Variants in FADS6 observed in about 807,000 individuals in gnomAD.
FADS6 encodes the protein fatty acid desaturase domain family, member 6.
Under a neutral mutation model 31.7 loss-of-function variants are expected in FADS6, and 28 were observed. The observed-to-expected ratio is 0.88, with a 90% CI of 0.66 to 1.21. The LOEUF (loss-of-function observed/expected upper bound fraction) is 1.21, where lower values mean the gene tolerates loss of function less well. Among genes scored for constraint, FADS6 ranks in the 50% most tolerant of loss-of-function variants. FADS6 has a pLI of 0.00. For synonymous variants in FADS6, 191 were observed against 213.1 expected, an observed-to-expected ratio of 0.90 and a Z score of 0.90; for missense variants, 494 against 504.2, an observed-to-expected ratio of 0.98 and a Z score of 0.19.
intron 5 of FADS6, chr17:74,879,118 A>T: frequency 3.1e-6 from 1 of 325,170 alleles, no homozygotes; most frequent in Non-Finnish European, 5.6e-6. Flanking sequence ...GGTTCATTGC[A>T]GCCTCAACCT....
chr17:74,887,921 C>G (rs1050917195), intron 2 of FADS6, among the ~76,000 whole-genome samples: 5 of 152,042 alleles, frequency 3.3e-5, no homozygotes, highest in Non-Finnish European at 5.9e-5. Context: ...CTCCTGACCT[C>G]GTGATCCACC....
At position 74,879,581 on chromosome 17, in the gene FADS6, G is replaced by A; in HGVS notation, c.783C>T (p.His261=). The A allele has an allele frequency of 1.9e-6, 3 of 1,610,812 alleles. No individual in the cohort carries two copies. The highest frequency in any genetic ancestry group is 2.5e-6 in the Non-Finnish European group (3 of 1,178,686). The change falls in exon 5 of 6, where the codon CAC becomes CAT. Residue 261 remains histidine, a splice_region_variant and synonymous_variant. Transcript: ENST00000612771. ...CCCGGGAGAACATGGGCAGTCCGAT[G>A]TGCTGTGACAGACACGTGGGTCACG... The part of the protein sequence containing the change: ...HPYLHVNIFQ[H]IGLPMFSRDN...
intron 2 of FADS6, among the ~76,000 whole-genome samples, chr17:74,884,828 C>G (rs796983355): frequency 5.3e-5 from 8 of 152,242 alleles, no homozygotes; most frequent in African/African-American, 1.9e-4. Flanking sequence ...CTGCCTCAGC[C>G]TCCTGAGTAG....
downstream of FADS6, among the ~76,000 whole-genome samples, chr17:74,876,330 A>C (rs979585011): frequency 1.7e-4 from 26 of 152,266 alleles, no homozygotes; most frequent in East Asian, 5.0e-3. Flanking sequence ...AGGCAATTAC[A>C]CGCTCAGAGA....
At chr17:74,879,710 A>T (rs2038547983) in intron 4 of FADS6, 127 bp from the exon 5 acceptor site, 1 of 985,680 alleles carries the variant, frequency 1.0e-6, no homozygotes, top group Non-Finnish European at 1.5e-6. Context: ...GACCTGGTAG[A>T]GGGGCTCCTG....
intron 2 of FADS6, among the ~76,000 whole-genome samples, chr17:74,889,505 C>T (rs949880606): frequency 6.6e-6 from 1 of 151,634 alleles, no homozygotes; most frequent in Non-Finnish European, 1.5e-5. Context: ...AACATATACA[C>T]AGCCCTGTTG....
Position 74,878,516 on chromosome 17 carries a change from G to T in FADS6, c.961-39C>A, listed in dbSNP as rs565553529. 5.0e-6 allele frequency: 8 copies of T among 1,606,226 alleles called. No individual in the cohort carries two copies. In the African/African-American group the frequency reaches 5.3e-5, roughly 11 times the overall value. ...GGCAGGAGAGGGCCTATGAGCAGGG[G>T]CTGTGGGCAGGCCCATCATCCCGTC... On this transcript the variant is annotated intron_variant, in intron 5 of 5. Coordinates refer to ENST00000612771, the MANE Select transcript of FADS6 (RefSeq NM_178128.6).
intron 2 of FADS6, 162 bp from the exon 3 acceptor site, chr17:74,882,872 T>G: frequency 6.7e-7 from 1 of 1,494,284 alleles, no homozygotes; most frequent in Non-Finnish European, 8.9e-7. Context: ...CCATCAACTC[T>G]CAGGTATCTA....
rs961860187 is a variant in FADS6, at chr17:74,892,457, G to C, written c.411+66C>G. The C allele has an allele frequency of 2.2e-5, 34 of 1,539,336 alleles. No individual in the cohort carries two copies. The Admixed American group carries it at 2.5e-4, about 12-fold the overall frequency. ...CACAGCTGGACACACCCGCATGCTC[G>C]AACAGAAGAATGAGGCTGCCACACG... On this transcript the variant is annotated intron_variant, in intron 2 of 5. Coordinates refer to ENST00000612771, the MANE Select transcript of FADS6 (RefSeq NM_178128.6).
chr17:74,887,143 C>G (rs1425887347), intron 2 of FADS6, among the ~76,000 whole-genome samples: 2 of 146,636 alleles, frequency 1.4e-5, no homozygotes, highest in Non-Finnish European at 3.0e-5. Flanking sequence ...GTGATAAAAT[C>G]TTGGCTCACA....
At chr17:74,885,720 C>G (rs550278919) in intron 2 of FADS6, among the ~76,000 whole-genome samples, 26 of 152,284 alleles carry the variant, frequency 1.7e-4, no homozygotes, top group African/African-American at 5.8e-4. Flanking sequence ...TACCATCTCT[C>G]AGCCTGCCCA....
At chr17:74,887,574 A>C (rs983880795) in intron 2 of FADS6, among the ~76,000 whole-genome samples, 2 of 152,196 alleles carry the variant, frequency 1.3e-5, no homozygotes, top group African/African-American at 4.8e-5. Context: ...CTCATCTACA[A>C]AGTGAGGGTA....
At chr17:74,883,923 C>A (rs2038598780) in intron 2 of FADS6, among the ~76,000 whole-genome samples, 1 of 152,206 alleles carries the variant, frequency 6.6e-6, no homozygotes, top group Non-Finnish European at 1.5e-5. Flanking sequence ...CCACCTCGGC[C>A]TCCCAAAGTG....
chr17:74,893,289 C>A, intron 1 of FADS6, 63 bp downstream of exon 1: 1 of 1,446,710 alleles, frequency 6.9e-7, no homozygotes, highest in South Asian at 1.4e-5. Context: ...CGCGCCGCCA[C>A]CTCCGCCGCA....
intron 2 of FADS6, 69 bp from the exon 3 acceptor site, chr17:74,882,779 A>G: frequency 6.5e-7 from 1 of 1,547,858 alleles, no homozygotes. Context: ...AGGACCTTTG[A>G]GAGCCCGGAG....
intron 1 of FADS6, 113 bp from the exon 2 acceptor site, chr17:74,892,802 G>T: frequency 2.8e-6 from 3 of 1,070,104 alleles, no homozygotes; most frequent in Non-Finnish European, 2.6e-6. Context: ...GGCTCTGGGG[G>T]CTGCCACTGG....
In FADS6 at chr17:74,878,421, G is replaced by A; in HGVS notation, c.1017C>T (p.Asp339=). ...ACAGCTGGAAGCGAGCCAGGTATGA[G>A]TCCTCGTTGTACGGTAGCTGCTTCT... ...LREKQLPYNE[D]SYLARFQLFL... Residue 339 remains aspartate, a synonymous_variant, in exon 6 of 6, where the codon GAC becomes GAT. Coordinates refer to ENST00000612771, the MANE Select transcript of FADS6 (RefSeq NM_178128.6). 10 of 1,614,016 alleles carry A rather than the reference G, an allele frequency of 6.2e-6. No individual in the cohort carries two copies. Among genetic ancestry groups the A allele is most frequent in the Non-Finnish European group, 8.5e-6 (10 of 1,179,876 alleles).
chr17:74,876,331 C>T (rs925511782), downstream of FADS6, among the ~76,000 whole-genome samples: 1 of 152,190 alleles, frequency 6.6e-6, no homozygotes, highest in African/African-American at 2.4e-5. Flanking sequence ...GGCAATTACA[C>T]GCTCAGAGAA....
chr17:74,876,425 T>G (rs1213764837), downstream of FADS6, among the ~76,000 whole-genome samples: 1 of 152,110 alleles, frequency 6.6e-6, no homozygotes, highest in Non-Finnish European at 1.5e-5. Flanking sequence ...CAGCATCTAG[T>G]AGGTAGAAGC....
Sources: allele counts gnomAD v4.1 joint callset (sites outside exome capture counted in the v4.1 genomes callset), GRCh38; gene constraint gnomAD v4.1.1; transcripts MANE v1.5; gene names NCBI Gene and HGNC (gene_info 2026-07-23, HGNC 2026-07-21).